The following PDSS2 variants were observed in gnomAD, a reference collection of about 807,000 sequenced individuals.
PDSS2 encodes the protein decaprenyl diphosphate synthase subunit 2.
A neutral mutation model predicts 44.5 loss-of-function variants in PDSS2; 31 were observed. That is an observed-to-expected ratio of 0.70 (90% CI 0.52 to 0.94). PDSS2 has a LOEUF of 0.94. Ranked by LOEUF, PDSS2 falls within the 40% of genes least tolerant of loss-of-function variation. The probability of loss-of-function intolerance (pLI) is 0.00; values close to 1 mark genes in which losing one functional copy is unlikely to be tolerated. For missense variants in PDSS2, 452 were observed against 482.2 expected, an observed-to-expected ratio of 0.94 and a Z score of 0.59; for synonymous variants, 157 against 180.3, an observed-to-expected ratio of 0.87 and a Z score of 1.03.
chr6:107,155,065 T>C (rs1486195694), intron 7 of PDSS2, among the ~76,000 whole-genome samples: 2 of 151,890 alleles, frequency 1.3e-5, no homozygotes, highest in African/African-American at 4.8e-5. Flanking sequence ...AAATGTGCCA[T>C]GCTGGGGGAT....
At chr6:107,303,108 A>C (rs775299334) in intron 2 of PDSS2, among the ~76,000 whole-genome samples, 1 of 152,206 alleles carries the variant, frequency 6.6e-6, no homozygotes, top group Non-Finnish European at 1.5e-5. Flanking sequence ...AGGGGTTGGC[A>C]TATGGTGAGG....
At chr6:107,194,812 G>T (rs539580336) in intron 6 of PDSS2, among the ~76,000 whole-genome samples, 1 of 152,106 alleles carries the variant, frequency 6.6e-6, no homozygotes, top group African/African-American at 2.4e-5. Flanking sequence ...TTAGCCAGGC[G>T]TGGTGGCAGG....
At chr6:107,387,396 T>C (rs1382575466) in intron 1 of PDSS2, among the ~76,000 whole-genome samples, 2 of 152,220 alleles carry the variant, frequency 1.3e-5, no homozygotes, top group African/African-American at 2.4e-5. Flanking sequence ...ATGAATGAAC[T>C]GCTCAAAAAT....
chr6:107,164,274 G>A (rs373948617), intron 7 of PDSS2, among the ~76,000 whole-genome samples: 9 of 151,960 alleles, frequency 5.9e-5, no homozygotes, highest in African/African-American at 1.9e-4. Context: ...CCACTAACTC[G>A]TCATTTACAT....
intron 1 of PDSS2, among the ~76,000 whole-genome samples, chr6:107,400,953 C>T (rs188491666): frequency 2.0e-5 from 3 of 152,304 alleles, no homozygotes; most frequent in Admixed American, 6.5e-5. Context: ...TACTATAATG[C>T]GCTGAACTTC....
intron 2 of PDSS2, among the ~76,000 whole-genome samples, chr6:107,313,205 G>C (rs959622921): frequency 2.6e-5 from 4 of 152,054 alleles, no homozygotes; most frequent in African/African-American, 7.3e-5. Flanking sequence ...ATAATGAATT[G>C]TAGCATATAA....
intron 2 of PDSS2, among the ~76,000 whole-genome samples, chr6:107,284,187 T>C (rs1776063365): frequency 6.6e-6 from 1 of 152,064 alleles, no homozygotes; most frequent in Non-Finnish European, 1.5e-5. Context: ...GTTAAAAAAA[T>C]ACAGAAAAGT....
chr6:107,401,978 A>G (rs1780119498), intron 1 of PDSS2, among the ~76,000 whole-genome samples: 2 of 152,142 alleles, frequency 1.3e-5, no homozygotes, highest in Admixed American at 6.5e-5. Flanking sequence ...CCCTGTCTCT[A>G]TTAAAAATAC....
At chr6:107,187,268 C>G (rs1772201840) in intron 7 of PDSS2, among the ~76,000 whole-genome samples, 1 of 151,954 alleles carries the variant, frequency 6.6e-6, no homozygotes, top group Admixed American at 6.6e-5. Context: ...ACTACATATT[C>G]AAGGAGGGGT....
At chr6:107,410,384 A>C (rs1013597886) in intron 1 of PDSS2, among the ~76,000 whole-genome samples, 1 of 152,212 alleles carries the variant, frequency 6.6e-6, no homozygotes, top group African/African-American at 2.4e-5. Flanking sequence ...CCACAGGTGC[A>C]TGTGCGCGCA....
At chr6:107,353,045 C>G (rs1452114254) in intron 1 of PDSS2, among the ~76,000 whole-genome samples, 1 of 152,140 alleles carries the variant, frequency 6.6e-6, no homozygotes, top group African/African-American at 2.4e-5. Flanking sequence ...TTACTATTAT[C>G]AGAATTACTA....
At chr6:107,240,856 G>A (rs1040672197) in intron 4 of PDSS2, among the ~76,000 whole-genome samples, 4 of 152,018 alleles carry the variant, frequency 2.6e-5, no homozygotes, top group African/African-American at 9.7e-5. Flanking sequence ...TTATTATAAT[G>A]AGCAAATGGT....
intron 2 of PDSS2, among the ~76,000 whole-genome samples, chr6:107,276,254 T>C (rs1775781088): frequency 6.6e-6 from 1 of 150,764 alleles, no homozygotes; most frequent in Non-Finnish European, 1.5e-5. Flanking sequence ...TGCTCCAAGA[T>C]ACAGTAGGTG....
chr6:107,406,971 G>C (rs1338206860), intron 1 of PDSS2, among the ~76,000 whole-genome samples: 1 of 152,190 alleles, frequency 6.6e-6, no homozygotes, highest in East Asian at 1.9e-4. Context: ...GAATGAACCA[G>C]AATGAATTTG....
intron 3 of PDSS2, among the ~76,000 whole-genome samples, chr6:107,256,768 C>A (rs1285246707): frequency 6.6e-6 from 1 of 152,072 alleles, no homozygotes; most frequent in East Asian, 1.9e-4. Flanking sequence ...GTGACTCATG[C>A]CTGTAATTCC....
chr6:107,384,021 C>T (rs1345470184), intron 1 of PDSS2, among the ~76,000 whole-genome samples: 1 of 152,174 alleles, frequency 6.6e-6, no homozygotes, highest in East Asian at 1.9e-4. Context: ...CCCAAATATC[C>T]ATTAGCTAAT....
chr6:107,333,944 G>A (rs928694147), intron 2 of PDSS2, among the ~76,000 whole-genome samples: 2 of 152,134 alleles, frequency 1.3e-5, no homozygotes, highest in Non-Finnish European at 2.9e-5. Flanking sequence ...GAGAAGTGAT[G>A]AACAGAAAAT....
chr6:107,213,312 ATT>A (rs35799290), intron 4 of PDSS2, among the ~76,000 whole-genome samples: 4,832 of 144,052 alleles, frequency 0.034, 176 homozygotes, highest in Admixed American at 0.1. Context: ...CACCCAGATA[ATT>A]TTTTTTTTTT....
chr6:107,443,580 C>A (rs1781573709), intron 1 of PDSS2, among the ~76,000 whole-genome samples: 1 of 152,182 alleles, frequency 6.6e-6, no homozygotes, highest in Non-Finnish European at 1.5e-5. Context: ...AGTGGAAGGG[C>A]AAGTTTAGCA....
Sources: allele counts gnomAD v4.1 joint callset (sites outside exome capture counted in the v4.1 genomes callset), GRCh38; gene constraint gnomAD v4.1.1; transcripts MANE v1.5; gene names NCBI Gene and HGNC (gene_info 2026-07-23, HGNC 2026-07-21).